Variants in GRIP1 observed in about 807,000 individuals in gnomAD.
The protein encoded by GRIP1 is glutamate receptor interacting protein 1.
Under a neutral mutation model 129.9 loss-of-function variants are expected in GRIP1, and 45 were observed. The ratio of observed to expected loss-of-function variants is 0.35; its 90% CI spans 0.27 to 0.44. The LOEUF is 0.44. Among genes scored for constraint, GRIP1 ranks in the 20% least tolerant of loss-of-function variants. The pLI is 1.00. For missense variants in GRIP1, 1,196 were observed against 1,396.8 expected (o/e 0.86, Z 2.29); for synonymous variants, 530 against 520.8 (o/e 1.02, Z -0.24).
At chr12:66,930,204 C>A (rs1705078337) in intron 1 of GRIP1, among the ~76,000 whole-genome samples, 1 of 149,146 alleles carries the variant, frequency 6.7e-6, no homozygotes, top group Non-Finnish European at 1.5e-5. Context: ...GCGCTGCACC[C>A]ACTAACTCGT....
intron 2 of GRIP1, among the ~76,000 whole-genome samples, chr12:66,576,426 C>T (rs954948985): frequency 2.0e-5 from 3 of 152,144 alleles, no homozygotes; most frequent in Non-Finnish European, 2.9e-5. Context: ...TAATTCATTG[C>T]TAAGAAGAGT....
At chr12:66,587,702 T>A (rs1056734090) in intron 2 of GRIP1, among the ~76,000 whole-genome samples, 2 of 152,158 alleles carry the variant, frequency 1.3e-5, no homozygotes, top group African/African-American at 4.8e-5. Context: ...ATAATGGATG[T>A]AGCGAGCAAG....
intron 1 of GRIP1, among the ~76,000 whole-genome samples, chr12:66,686,462 AATTC>A (rs1475317221): frequency 6.6e-6 from 1 of 152,252 alleles, no homozygotes; most frequent in Non-Finnish European, 1.5e-5. Context: ...TCTCTAAAGT[AATTC>A]ATGCGTCTGT....
intron 2 of GRIP1, among the ~76,000 whole-genome samples, chr12:66,585,191 T>C (rs948687169): frequency 4.1e-5 from 6 of 146,352 alleles, no homozygotes; most frequent in Non-Finnish European, 7.5e-5. Context: ...CATGCTGGTG[T>C]GCTGCACCCA....
At chr12:66,514,877 C>T (rs7964834) in intron 7 of GRIP1, among the ~76,000 whole-genome samples, 47,051 of 151,960 alleles carry the variant, frequency 0.31, 7,407 homozygotes, top group Middle Eastern at 0.39. Context: ...GTCACCTAAT[C>T]GAGTCTGATA....
intron 1 of GRIP1, among the ~76,000 whole-genome samples, chr12:66,903,817 A>C (rs2040883326): frequency 6.6e-6 from 1 of 152,334 alleles, no homozygotes. Flanking sequence ...ATATCACCAA[A>C]GGCATCTGCA....
At chr12:66,799,986 G>A (rs919131446) in intron 1 of GRIP1, among the ~76,000 whole-genome samples, 1 of 152,020 alleles carries the variant, frequency 6.6e-6, no homozygotes, top group Admixed American at 6.6e-5. Flanking sequence ...AATATCTAAG[G>A]CACTTTAAAG....
chr12:67,065,900 C>G lies in GRIP1; in HGVS notation c.58+3150G>C, dbSNP rs539812441. ...TGATTGGAAGAGATATCAAACAGGA[C>G]AGTTTTCAGAAACATTTCTCTTCTC... On this transcript the variant is annotated intron_variant, in intron 1 of 1. Transcript: ENST00000643019. 7.6e-4 allele frequency among the ~76,000 whole-genome samples: 115 copies of G among 152,182 alleles called. 1 individual carries two copies. Among genetic ancestry groups the G allele is most frequent in the Non-Finnish European group, 1.1e-3 (72 of 68,030 alleles).
At chr12:66,723,785 T>C (rs2036170394) in intron 1 of GRIP1, among the ~76,000 whole-genome samples, 1 of 152,148 alleles carries the variant, frequency 6.6e-6, no homozygotes, top group Non-Finnish European at 1.5e-5. Context: ...AATTAAAAAT[T>C]GTCTGAGGGA....
chr12:66,611,703 C>T (rs927052978), intron 1 of GRIP1, among the ~76,000 whole-genome samples: 2 of 152,098 alleles, frequency 1.3e-5, no homozygotes, highest in African/African-American at 4.8e-5. Context: ...TTTATAAATA[C>T]AAAGAAGGCA....
intron 16 of GRIP1, 104 bp from the exon 17 acceptor site, chr12:66,394,456 TATCATGTCACAGAAAATA>T: frequency 1.1e-6 from 1 of 934,068 alleles, no homozygotes; most frequent in East Asian, 2.5e-5. Context: ...CTCGTCAAAG[TATCATGTCACAGAAAATA>T]ATTATTTTGG....
At chr12:66,620,191 C>A (rs1322599698) in intron 1 of GRIP1, among the ~76,000 whole-genome samples, 1 of 152,174 alleles carries the variant, frequency 6.6e-6, no homozygotes, top group African/African-American at 2.4e-5. Flanking sequence ...TGAATATGTG[C>A]AAGTAACGGT....
chr12:66,619,571 G>C (rs553544717), intron 1 of GRIP1, among the ~76,000 whole-genome samples: 1 of 151,880 alleles, frequency 6.6e-6, no homozygotes, highest in Non-Finnish European at 1.5e-5. Flanking sequence ...CCATGTGCCA[G>C]AAGTAAAAGA....
intron 2 of GRIP1, among the ~76,000 whole-genome samples, chr12:66,581,400 A>C (rs1324728564): frequency 4.0e-5 from 6 of 151,370 alleles, no homozygotes; most frequent in African/African-American, 1.5e-4. Flanking sequence ...GAAATAACTA[A>C]AATCAGAGCA....
intron 1 of GRIP1, among the ~76,000 whole-genome samples, chr12:66,993,570 C>A (rs2042424900): frequency 6.6e-6 from 1 of 151,858 alleles, no homozygotes; most frequent in Admixed American, 6.6e-5. Flanking sequence ...GTAGGTGGAT[C>A]ACCTGATGTC....
intron 7 of GRIP1, among the ~76,000 whole-genome samples, chr12:66,489,043 C>T (rs1451507650): frequency 6.6e-6 from 1 of 152,080 alleles, no homozygotes; most frequent in African/African-American, 2.4e-5. Context: ...ACCAGAGGTA[C>T]AAAGAAGAGC....
At chr12:66,362,210 G>C (rs1016846230) in intron 23 of GRIP1, among the ~76,000 whole-genome samples, 13 of 147,136 alleles carry the variant, frequency 8.8e-5, no homozygotes, top group African/African-American at 3.1e-4. Context: ...CTGGAGTGCA[G>C]TGGTGTGATC....
intron 16 of GRIP1, among the ~76,000 whole-genome samples, chr12:66,403,765 G>T (rs923723109): frequency 6.6e-6 from 1 of 152,138 alleles, no homozygotes; most frequent in Admixed American, 6.6e-5. Context: ...AGAGATTGTA[G>T]GGGAAGGGTA....
chr12:66,442,369 A>G (rs2058494239), intron 13 of GRIP1, among the ~76,000 whole-genome samples: 1 of 152,084 alleles, frequency 6.6e-6, no homozygotes, highest in South Asian at 2.1e-4. Context: ...CTCTTCCGAG[A>G]GCCTTACAAG....
Sources: allele counts gnomAD v4.1 joint callset (sites outside exome capture counted in the v4.1 genomes callset), GRCh38; gene constraint gnomAD v4.1.1; transcripts MANE v1.5; gene names NCBI Gene and HGNC (gene_info 2026-07-23, HGNC 2026-07-21).